CDH4: variants seen among roughly 807,000 people sequenced by gnomAD.
CDH4 encodes the protein cadherin-4.
In CDH4, 33 loss-of-function variants were observed where a neutral mutation model predicts 86.0. The ratio of observed to expected loss-of-function variants is 0.38; its 90% CI spans 0.29 to 0.51. The LOEUF (loss-of-function observed/expected upper bound fraction) is 0.51. CDH4 is among the 20% of genes least tolerant of loss of function. CDH4 has a pLI of 0.86. For missense variants in CDH4, 1,114 were observed against 1,307.4 expected, an observed-to-expected ratio of 0.85 and a Z score of 2.28; for synonymous variants, 555 against 549.4, an observed-to-expected ratio of 1.01 and a Z score of -0.14.
In CDH4 at chr20:61,924,382, C is replaced by T; in HGVS notation, c.1677C>T (p.Thr559=). 2 of 1,614,002 alleles carry T rather than the reference C, an allele frequency of 1.2e-6. No individual in the cohort carries two copies. Among genetic ancestry groups the T allele is most frequent in the Non-Finnish European group, 1.7e-6 (2 of 1,179,982 alleles). Residue 559 remains threonine, a synonymous_variant, in exon 11 of 16, where the codon ACC becomes ACT. Coordinates refer to ENST00000614565, the MANE Select transcript of CDH4 (RefSeq NM_001794.5). Reference sequence around the variant, plus strand: ...CGAGCTGGCTGCACATCAATGCCACCAACGGCCAGATCACCACGGCGGCAG... The same window carrying T: ...CGAGCTGGCTGCACATCAATGCCACTAACGGCCAGATCACCACGGCGGCAG... ...DPASWLHINA[T]NGQITTAAVL...
In CDH4 at chr20:61,692,827, G is replaced by GT. The variant is rs369784243; in HGVS notation, c.170-50730dup. On this transcript the variant is annotated intron_variant, in intron 2 of 15. Coordinates refer to ENST00000614565, the MANE Select transcript of CDH4 (RefSeq NM_001794.5). The stretch of plus-strand genomic sequence containing the variant: ...TTTCTACTAGCAAGCAAGCTTTTTT[G>GT]TTTTTTGTTTTTTGTTTTTTTTTTT... 4.6e-3 allele frequency among the ~76,000 whole-genome samples: 660 copies of GT among 144,330 alleles called. 11 individuals are homozygous for GT. Among genetic ancestry groups the GT allele is most frequent in the South Asian group, 0.038 (172 of 4,530 alleles). 94.7% of individuals were successfully genotyped at this position (144,330 alleles called of 152,430 possible).
At chr20:61,900,079 G>T (rs1369014239) in intron 8 of CDH4, among the ~76,000 whole-genome samples, 2 of 152,096 alleles carry the variant, frequency 1.3e-5, no homozygotes, top group Non-Finnish European at 2.9e-5. Flanking sequence ...CCCCAGCTCT[G>T]CAGGGCAGAC....
chr20:61,508,277 GTCTTAATGC>G (rs1158804877), intron 2 of CDH4, among the ~76,000 whole-genome samples: 9 of 152,342 alleles, frequency 5.9e-5, no homozygotes, highest in Middle Eastern at 6.8e-3. Context: ...ACTGAGTTGG[GTCTTAATGC>G]TCACAGTGGG....
intron 2 of CDH4, among the ~76,000 whole-genome samples, chr20:61,301,793 A>G (rs1339701400): frequency 6.6e-6 from 1 of 152,250 alleles, no homozygotes; most frequent in Non-Finnish European, 1.5e-5. Context: ...GAGGGCGATT[A>G]CAAAAGCCAT....
rs143050145 is a variant in CDH4 at position 61,405,374 on chromosome 20, G to A, written c.169+150437G>A. On this transcript the variant is annotated intron_variant, in intron 2 of 15. Coordinates refer to ENST00000614565, the MANE Select transcript of CDH4 (RefSeq NM_001794.5). ...GTTCTGGAAATCACTCATCACCATG[G>A]TGCTGATGTTTTACAGTGCGGCCCT... Among the ~76,000 whole-genome samples, 12 of 151,994 alleles carry A rather than the reference G, an allele frequency of 7.9e-5. No individual in the cohort carries two copies. The East Asian group carries it at 2.3e-3, about 29-fold the overall frequency.
intron 2 of CDH4, among the ~76,000 whole-genome samples, chr20:61,337,622 T>G (rs2084627204): frequency 6.6e-6 from 1 of 152,108 alleles, no homozygotes; most frequent in African/African-American, 2.4e-5. Flanking sequence ...GAGTTTTGCA[T>G]GTGTCCATTT....
At chr20:61,682,887 A>G (rs1199554968) in intron 2 of CDH4, among the ~76,000 whole-genome samples, 1 of 151,992 alleles carries the variant, frequency 6.6e-6, no homozygotes, top group Non-Finnish European at 1.5e-5. Flanking sequence ...AATCCCCTGA[A>G]GGTAGAGATC....
intron 2 of CDH4, chr20:61,719,050 C>T (rs1436599507): frequency 2.1e-6 from 1 of 471,174 alleles, no homozygotes; most frequent in East Asian, 7.0e-5. Context: ...CCCTCCCTGG[C>T]CACACTCGTG....
rs139124347 is a variant in CDH4 at position 61,636,536 on chromosome 20, A to G, written c.170-107027A>G. 4.7e-3 allele frequency among the ~76,000 whole-genome samples: 716 copies of G among 152,364 alleles called. 5 individuals are homozygous for G. Among genetic ancestry groups the G allele is most frequent in the African/African-American group, 0.016 (678 of 41,584 alleles). ...TTCCCGTCGCAGGGCTGTCCCCGGC[A>G]GCCTTGCTGCCTTTTACTTGTCTCT... On this transcript the variant is annotated intron_variant, in intron 2 of 15. Transcript: ENST00000614565.
At position 61,252,401 on chromosome 20, in the gene CDH4, G is replaced by C; in HGVS notation, c.-113G>C. 1 of 372,244 alleles carries C rather than the reference G, an allele frequency of 2.7e-6. No homozygotes were observed. Among genetic ancestry groups the C allele is most frequent in the South Asian group, 9.9e-5 (1 of 10,152 alleles). The allele number at this position is 372,244 out of a possible 1,614,324, so 23.1% of individuals were successfully genotyped here. A position where few individuals can be genotyped will look rare whatever the true frequency, so the allele number is the denominator to read the frequency against. On this transcript the variant is annotated 5_prime_UTR_variant, in exon 1 of 16. Coordinates refer to ENST00000614565, the MANE Select transcript of CDH4 (RefSeq NM_001794.5). The surrounding 1 kb of genome is among the most constrained non-coding windows in gnomAD (Gnocchi z 4.4). Reference sequence around the variant, plus strand: ...CTGGAGGCTCCGGGCAGGCGCGGGGGAGCGGCGGCGGCGGCGGCGATCGGA... The same window carrying C: ...CTGGAGGCTCCGGGCAGGCGCGGGGCAGCGGCGGCGGCGGCGGCGATCGGA...
At chr20:61,599,861 C>A (rs545933715) in intron 2 of CDH4, 6 of 985,464 alleles carry the variant, frequency 6.1e-6, no homozygotes, top group Non-Finnish European at 6.0e-6. Context: ...TCGCCGCACA[C>A]AACACAGGAG....
At chr20:61,712,912 C>T (rs2087908843) in intron 2 of CDH4, among the ~76,000 whole-genome samples, 1 of 152,144 alleles carries the variant, frequency 6.6e-6, no homozygotes. Flanking sequence ...GGCAGGAAGT[C>T]AGTTTGTGAA....
At chr20:61,561,973 G>A (rs2086219481) in intron 2 of CDH4, among the ~76,000 whole-genome samples, 1 of 152,194 alleles carries the variant, frequency 6.6e-6, no homozygotes, top group Non-Finnish European at 1.5e-5. Flanking sequence ...CCCAGAGAGA[G>A]AGAGGGACCT....
chr20:61,714,527 C>T (rs1330942556), intron 2 of CDH4, among the ~76,000 whole-genome samples: 1 of 151,890 alleles, frequency 6.6e-6, no homozygotes, highest in African/African-American at 2.4e-5. Flanking sequence ...GACATTGTAC[C>T]CAATAGGTAG....
chr20:61,592,559 C>T (rs913622650), intron 2 of CDH4, among the ~76,000 whole-genome samples: 4 of 152,196 alleles, frequency 2.6e-5, no homozygotes, highest in African/African-American at 9.7e-5. Flanking sequence ...AATTTTAGAA[C>T]ATTTTCAAAA....
At chr20:61,625,885 G>A (rs896652644) in intron 2 of CDH4, among the ~76,000 whole-genome samples, 7 of 152,224 alleles carry the variant, frequency 4.6e-5, no homozygotes, top group African/African-American at 1.2e-4. Context: ...CACTTGGCCC[G>A]AGTTTTCCAT....
At chr20:61,439,941 G>A (rs1364977654) in intron 2 of CDH4, among the ~76,000 whole-genome samples, 1 of 152,230 alleles carries the variant, frequency 6.6e-6, no homozygotes, top group Non-Finnish European at 1.5e-5. Flanking sequence ...ACTCTAACAT[G>A]CCTCACTGCT....
rs1404000476 is a variant in CDH4 at position 61,480,906 on chromosome 20, C to G, written c.169+225969C>G. Among the ~76,000 whole-genome samples, 1 of 152,204 alleles carries G rather than the reference C, an allele frequency of 6.6e-6. No homozygotes were observed. The highest frequency in any genetic ancestry group is 2.4e-5 in the African/African-American group (1 of 41,466). On this transcript the variant is annotated intron_variant, in intron 2 of 15. Transcript: ENST00000614565. This position sits in a 1 kb window ranked among gnomAD's most constrained non-coding sequence, Gnocchi z 5.2. ...TGCATTGCCCTCACATGGATTTGTG[C>G]GACCAAGATTATACAACTCGGATGC...
intron 2 of CDH4, among the ~76,000 whole-genome samples, chr20:61,326,463 TAGTC>T (rs1051545399): frequency 6.6e-6 from 1 of 152,254 alleles, no homozygotes; most frequent in Non-Finnish European, 1.5e-5. Flanking sequence ...TATGACATTT[TAGTC>T]AATCAATGGT....
Sources: allele counts gnomAD v4.1 joint callset (sites outside exome capture counted in the v4.1 genomes callset), GRCh38; gene constraint gnomAD v4.1.1; non-coding constraint Gnocchi (gnomAD v3.1); transcripts MANE v1.5; gene names NCBI Gene and HGNC (gene_info 2026-07-23, HGNC 2026-07-21).